DCDC2: variants seen among roughly 807,000 people sequenced by gnomAD.
DCDC2 encodes doublecortin domain containing 2, also known as doublecortin domain-containing protein 2.
Under a neutral mutation model 50.2 loss-of-function variants are expected in DCDC2, and 40 were observed. That is an observed-to-expected ratio of 0.80 (90% CI 0.62 to 1.04). The LOEUF is 1.04. DCDC2 is among the 50% of genes least tolerant of loss of function. The pLI, the probability that DCDC2 is intolerant of heterozygous loss-of-function variation, is 0.00. For synonymous variants in DCDC2, 234 were observed against 210.6 expected, an observed-to-expected ratio of 1.11 and a Z score of -0.96; for missense variants, 570 against 581.9, an observed-to-expected ratio of 0.98 and a Z score of 0.21.
At position 24,213,459 on chromosome 6, in the gene DCDC2, A is replaced by G. The variant is rs1184661523; in HGVS notation, c.923-8357T>C. Among the ~76,000 whole-genome samples, 4 of 152,254 alleles carry G rather than the reference A, an allele frequency of 2.6e-5. No homozygotes were observed. In the South Asian group the frequency reaches 8.3e-4, roughly 32 times the overall value. ...TCAATATATAAAATAATATCCTAAGAAGAAAAAAAAGTCAATCCATTTATA... is the reference window on the plus strand; with the variant it reads ...TCAATATATAAAATAATATCCTAAGGAGAAAAAAAAGTCAATCCATTTATA... On this transcript the variant is annotated intron_variant, in intron 7 of 9. Coordinates refer to ENST00000378454, the MANE Select transcript of DCDC2 (RefSeq NM_016356.5).
chr6:24,189,040 A>C (rs1219506567), intron 8 of DCDC2, among the ~76,000 whole-genome samples: 1 of 152,094 alleles, frequency 6.6e-6, no homozygotes, highest in Non-Finnish European at 1.5e-5. Flanking sequence ...ATTATAAGTA[A>C]TTGCTCGTAA....
At position 24,252,561 on chromosome 6, in the gene DCDC2, G is replaced by C. The variant is rs548357631; in HGVS notation, c.922+25488C>G. Among the ~76,000 whole-genome samples the C allele has an allele frequency of 3.2e-3, 489 of 152,296 alleles. 1 individual carries two copies. The highest frequency in any genetic ancestry group is 0.017 in the Middle Eastern group (5 of 294). On this transcript the variant is annotated intron_variant, in intron 7 of 9. Transcript: ENST00000378454. ...ACATGTATGGATCAAAAAGATGCTA[G>C]ATCAAAAGAGGAAGCTCTGGTAAAA...
chr6:24,225,677 C>T (rs889879345), intron 7 of DCDC2, among the ~76,000 whole-genome samples: 1 of 151,426 alleles, frequency 6.6e-6, no homozygotes, highest in Non-Finnish European at 1.5e-5. Context: ...TTATATATTA[C>T]ATTAAAACAA....
intron 1 of DCDC2, 134 bp downstream of exon 1, chr6:24,357,324 G>T: frequency 9.5e-7 from 1 of 1,055,382 alleles, no homozygotes; most frequent in Non-Finnish European, 1.3e-6. Flanking sequence ...AGAGTTTTGA[G>T]GGGCATCAAT....
chr6:24,381,974 A>C, the DCDC2 span, among the ~76,000 whole-genome samples: 1 of 126,386 alleles, frequency 7.9e-6, no homozygotes, highest in African/African-American at 3.3e-5. Context: ...GAAGGAAGGA[A>C]GGAAGGAAGG....
intron 7 of DCDC2, among the ~76,000 whole-genome samples, chr6:24,218,156 C>T (rs1028673845): frequency 1.4e-4 from 22 of 152,000 alleles, no homozygotes; most frequent in African/African-American, 5.3e-4. Flanking sequence ...TAATTTAGTG[C>T]CCAATTTGAG....
rs145215037 is a variant in DCDC2 at position 24,199,889 on chromosome 6, T to C, written c.1023+5113A>G. 2.8e-3 allele frequency among the ~76,000 whole-genome samples: 433 copies of C among 152,122 alleles called. 2 individuals carry two copies. Among genetic ancestry groups the C allele is most frequent in the African/African-American group, 0.01 (416 of 41,492 alleles). On this transcript the variant is annotated intron_variant, in intron 8 of 9. Coordinates refer to ENST00000378454, the MANE Select transcript of DCDC2 (RefSeq NM_016356.5). ...CATACGCAAGTATCAATAGCTGAAA[T>C]GATCAAGTGGAAGAAAGGATATCAG...
At chr6:24,380,620 TA>T in the DCDC2 span, among the ~76,000 whole-genome samples, 1 of 152,218 alleles carries the variant, frequency 6.6e-6, no homozygotes, top group East Asian at 1.9e-4. Context: ...ACATAATTTT[TA>T]TCATAGATTT....
chr6:24,250,709 T>G (rs917271501), intron 7 of DCDC2, among the ~76,000 whole-genome samples: 1 of 151,998 alleles, frequency 6.6e-6, no homozygotes, highest in African/African-American at 2.4e-5. Flanking sequence ...ATTTTCCAAC[T>G]TATATCCTAA....
At chr6:24,374,875 C>T in the DCDC2 span, among the ~76,000 whole-genome samples, 10 of 152,150 alleles carry the variant, frequency 6.6e-5, no homozygotes, top group East Asian at 1.9e-4. Flanking sequence ...ATCGGGAGAA[C>T]GCTGAAAGCC....
the DCDC2 span, among the ~76,000 whole-genome samples, chr6:24,371,935 A>C: frequency 2.0e-5 from 3 of 152,230 alleles, no homozygotes; most frequent in African/African-American, 7.2e-5. Flanking sequence ...ACCATCTCAC[A>C]CCAGTTAGAA....
At chr6:24,348,757 A>G (rs1229331579) in intron 2 of DCDC2, among the ~76,000 whole-genome samples, 1 of 152,178 alleles carries the variant, frequency 6.6e-6, no homozygotes, top group African/African-American at 2.4e-5. Flanking sequence ...TCCAATCTGC[A>G]CTTCCTCAGT....
At chr6:24,375,230 C>A in the DCDC2 span, among the ~76,000 whole-genome samples, 1 of 152,142 alleles carries the variant, frequency 6.6e-6, no homozygotes, top group African/African-American at 2.4e-5. Flanking sequence ...GTGAAAAACC[C>A]TGAAAACCAT....
intron 7 of DCDC2, among the ~76,000 whole-genome samples, chr6:24,244,391 G>A (rs1430646386): frequency 1.3e-5 from 2 of 152,174 alleles, no homozygotes; most frequent in East Asian, 1.9e-4. Flanking sequence ...GACAGAAAAC[G>A]TACCCACTGC....
chr6:24,251,497 G>C (rs573467849), intron 7 of DCDC2, among the ~76,000 whole-genome samples: 1 of 152,166 alleles, frequency 6.6e-6, no homozygotes, highest in Non-Finnish European at 1.5e-5. Flanking sequence ...CTATCTCAGA[G>C]AGAACTCTGC....
chr6:24,180,233 G>A (rs1457648630), intron 8 of DCDC2, among the ~76,000 whole-genome samples: 7 of 152,020 alleles, frequency 4.6e-5, no homozygotes, highest in Admixed American at 4.6e-4. Context: ...ATTCTCTCCT[G>A]GAGCCACCAT....
chr6:24,233,092 G>C (rs1312952225), intron 7 of DCDC2, among the ~76,000 whole-genome samples: 1 of 152,234 alleles, frequency 6.6e-6, no homozygotes, highest in Non-Finnish European at 1.5e-5. Context: ...CCTATCTGAT[G>C]ACAATGGCGA....
upstream of DCDC2, among the ~76,000 whole-genome samples, chr6:24,358,839 ATATTTATATATT>A (rs1760545920): frequency 8.8e-5 from 2 of 22,772 alleles, no homozygotes; most frequent in African/African-American, 3.5e-4. Flanking sequence ...ATTTATATAT[ATATTTATATATT>A]ATATATAATA....
intron 4 of DCDC2, among the ~76,000 whole-genome samples, chr6:24,299,752 A>G (rs1759331974): frequency 6.6e-6 from 1 of 151,742 alleles, no homozygotes; most frequent in Admixed American, 6.6e-5. Flanking sequence ...AGTTTCTACG[A>G]AAAAAAATTT....
Sources: allele counts gnomAD v4.1 joint callset (sites outside exome capture counted in the v4.1 genomes callset), GRCh38; gene constraint gnomAD v4.1.1; transcripts MANE v1.5; gene names NCBI Gene and HGNC (gene_info 2026-07-23, HGNC 2026-07-21).